The following WWC2 variants were observed in gnomAD, a reference collection of about 807,000 sequenced individuals.
WWC2 encodes the protein WW and C2 domain containing 2, also known as protein WWC2.
Under a neutral mutation model 138.5 loss-of-function variants are expected in WWC2, and 101 were observed. The observed-to-expected ratio is 0.73, with a 90% CI of 0.62 to 0.86. The LOEUF (loss-of-function observed/expected upper bound fraction) is 0.86, where lower values mean the gene tolerates loss of function less well. Among genes scored for constraint, WWC2 ranks in the 40% least tolerant of loss-of-function variants. The pLI is 0.00. For synonymous variants in WWC2, 558 were observed against 538.4 expected (o/e 1.04, Z -0.50); for missense variants, 1,420 against 1,419.4 (o/e 1.00, Z -0.01).
At chr4:183,133,152 CTT>C (rs374079982) in intron 1 of WWC2, among the ~76,000 whole-genome samples, 6 of 59,170 alleles carry the variant, frequency 1.0e-4, no homozygotes, top group South Asian at 4.8e-4. Flanking sequence ...TCTTTTTTTT[CTT>C]TTTTTTTTTT....
intron 1 of WWC2, among the ~76,000 whole-genome samples, chr4:183,184,042 C>T (rs1248975674): frequency 6.6e-6 from 1 of 152,186 alleles, no homozygotes; most frequent in Non-Finnish European, 1.5e-5. Flanking sequence ...AATTCAGTGG[C>T]ATTGAGTACA....
chr4:183,108,705 G>A (rs1302842387), intron 1 of WWC2, among the ~76,000 whole-genome samples: 1 of 152,052 alleles, frequency 6.6e-6, no homozygotes, highest in African/African-American at 2.4e-5. Context: ...CAGCCTCCCG[G>A]GTTCAAGCAA....
intron 1 of WWC2, among the ~76,000 whole-genome samples, chr4:183,110,015 G>A (rs1248580898): frequency 6.6e-6 from 1 of 152,220 alleles, no homozygotes; most frequent in African/African-American, 2.4e-5. Flanking sequence ...TGTGGATTCT[G>A]TATACCTCAT....
At chr4:183,106,382 A>AT (rs1189286600) in intron 1 of WWC2, among the ~76,000 whole-genome samples, 4 of 151,954 alleles carry the variant, frequency 2.6e-5, no homozygotes, top group Non-Finnish European at 5.9e-5. Flanking sequence ...GTCTTCAGTG[A>AT]TTTTTTCCAA....
At position 183,261,468 on chromosome 4, in the gene WWC2, G is replaced by A. The variant is rs765096611; in HGVS notation, c.1845G>A (p.Gln615=). The change falls in exon 11 of 23, where the codon CAG becomes CAA. Residue 615 remains glutamine (Q), a synonymous_variant. Coordinates refer to ENST00000403733, the MANE Select transcript of WWC2 (RefSeq NM_024949.6). Reference sequence around the variant, plus strand: ...ATTCTGATTCAGGAGGAGCCTCCCAGTCTCTTTCAGAGGATAAAGACCTTA... The same window carrying A: ...ATTCTGATTCAGGAGGAGCCTCCCAATCTCTTTCAGAGGATAAAGACCTTA... ...LLDSDSGGAS[Q]SLSEDKDLNE... 7 of 1,612,606 alleles carry A rather than the reference G, an allele frequency of 4.3e-6. No individual in the cohort carries two copies. The East Asian group carries it at 8.9e-5, about 21-fold the overall frequency.
At chr4:183,141,122 A>G (rs950476795) in intron 1 of WWC2, among the ~76,000 whole-genome samples, 1 of 152,242 alleles carries the variant, frequency 6.6e-6, no homozygotes, top group Non-Finnish European at 1.5e-5. Flanking sequence ...TCCAGGTATT[A>G]GTCAGCTCAG....
intron 21 of WWC2, among the ~76,000 whole-genome samples, chr4:183,294,443 G>A (rs1285321226): frequency 1.3e-5 from 2 of 152,236 alleles, no homozygotes; most frequent in Admixed American, 6.5e-5. Flanking sequence ...ATTGGTCATG[G>A]CATGAATACA....
intron 1 of WWC2, among the ~76,000 whole-genome samples, chr4:183,102,318 G>A (rs1336131880): frequency 6.6e-6 from 1 of 152,154 alleles, no homozygotes; most frequent in African/African-American, 2.4e-5. Context: ...TCCAGTTTAG[G>A]AACTGAGTGA....
intron 21 of WWC2, among the ~76,000 whole-genome samples, chr4:183,289,953 A>G (rs984357658): frequency 6.6e-5 from 10 of 151,942 alleles, no homozygotes; most frequent in Non-Finnish European, 1.3e-4. Context: ...TCTCCTCCAT[A>G]TTGTTCTCCA....
intron 7 of WWC2, among the ~76,000 whole-genome samples, chr4:183,249,604 C>T (rs1736909168): frequency 1.3e-5 from 2 of 152,130 alleles, no homozygotes; most frequent in Non-Finnish European, 2.9e-5. Flanking sequence ...TTTTATTGAC[C>T]TGTACACCCT....
At chr4:183,110,907 G>A (rs1732208830) in intron 1 of WWC2, among the ~76,000 whole-genome samples, 1 of 151,998 alleles carries the variant, frequency 6.6e-6, no homozygotes, top group Admixed American at 6.6e-5. Flanking sequence ...GGTAAACGTT[G>A]AATTATAGAG....
Position 183,164,336 on chromosome 4 carries a change from TACA to T in WWC2, c.132-29262_132-29260del, listed in dbSNP as rs1278173542. Reference sequence around the variant, plus strand: ...TTATATATACATATATATATATATATACATATATATATTATATATACATATATA... The same window carrying T: ...TTATATATACATATATATATATATATTATATATATTATATATACATATATA... On this transcript the variant is annotated intron_variant, in intron 1 of 22. Transcript: ENST00000403733. 7.9e-3 allele frequency among the ~76,000 whole-genome samples: 6 copies of T among 758 alleles called. No homozygotes were observed. The East Asian group carries it at 0.21, about 26-fold the overall frequency. 0.5% of individuals were successfully genotyped at this position (758 alleles called of 152,430 possible). A position where few individuals can be genotyped will look rare whatever the true frequency, so the allele number is the denominator to read the frequency against.
At chr4:183,184,086 G>A (rs551828437) in intron 1 of WWC2, among the ~76,000 whole-genome samples, 6 of 152,232 alleles carry the variant, frequency 3.9e-5, no homozygotes, top group South Asian at 4.2e-4. Context: ...CCTATATTTA[G>A]TTTCAGAACA....
Position 183,265,027 on chromosome 4 carries a change from G to A in WWC2, c.1959G>A (p.Glu653=). 6.2e-7 allele frequency: 1 copy of A among 1,613,762 alleles called. No homozygotes were observed. Among genetic ancestry groups the A allele is most frequent in the East Asian group, 2.2e-5 (1 of 44,880 alleles). The part of the protein sequence containing the change: ...PKRRVIHLLG[E]KTTCVSAAVS... Reference sequence around the variant, plus strand: ...GAAGAGTGATCCACTTGCTTGGGGAGAAAACCACTTGTGTGTCGGCTGCTG... The same window carrying A: ...GAAGAGTGATCCACTTGCTTGGGGAAAAAACCACTTGTGTGTCGGCTGCTG... Residue 653 remains glutamate (E), a synonymous_variant, in exon 12 of 23, where the codon GAG becomes GAA. Coordinates refer to ENST00000403733, the MANE Select transcript of WWC2 (RefSeq NM_024949.6).
chr4:183,113,606 A>C (rs1373447620), intron 1 of WWC2, among the ~76,000 whole-genome samples: 2 of 151,800 alleles, frequency 1.3e-5, no homozygotes, highest in Non-Finnish European at 2.9e-5. Flanking sequence ...GTATGTTGCC[A>C]GGCTGGTCTC....
intron 1 of WWC2, among the ~76,000 whole-genome samples, chr4:183,154,624 C>T (rs1733742564): frequency 6.6e-6 from 1 of 152,160 alleles, no homozygotes. Flanking sequence ...GGCAACATTT[C>T]ACAAATTTGG....
intron 21 of WWC2, among the ~76,000 whole-genome samples, chr4:183,302,456 T>C (rs1459433584): frequency 6.6e-6 from 1 of 152,194 alleles, no homozygotes; most frequent in Non-Finnish European, 1.5e-5. Flanking sequence ...ATCCATCAGC[T>C]TAGATTGCAG....
chr4:183,221,393 T>G (rs1735932173), intron 4 of WWC2, among the ~76,000 whole-genome samples: 1 of 152,214 alleles, frequency 6.6e-6, no homozygotes, highest in Non-Finnish European at 1.5e-5. Flanking sequence ...CTGTCGAAGA[T>G]GTAAACAATA....
At chr4:183,308,672 A>T (rs1018470827) in intron 21 of WWC2, among the ~76,000 whole-genome samples, 4 of 152,190 alleles carry the variant, frequency 2.6e-5, no homozygotes, top group Non-Finnish European at 4.4e-5. Flanking sequence ...TATAACCCAC[A>T]TCCTCCCATA....
Sources: allele counts gnomAD v4.1 joint callset (sites outside exome capture counted in the v4.1 genomes callset), GRCh38; gene constraint gnomAD v4.1.1; transcripts MANE v1.5; gene names NCBI Gene and HGNC (gene_info 2026-07-23, HGNC 2026-07-21).